Variants in TASOR observed in about 807,000 individuals in gnomAD.
The protein encoded by TASOR is transcription activation suppressor.
A neutral mutation model predicts 178.6 loss-of-function variants in TASOR; 53 were observed. The ratio of observed to expected loss-of-function variants is 0.30; its 90% CI spans 0.24 to 0.37. The LOEUF (loss-of-function observed/expected upper bound fraction) is 0.37, where lower values mean the gene tolerates loss of function less well. Ranked by LOEUF, TASOR falls within the 10% of genes least tolerant of loss-of-function variation. The pLI, the probability that TASOR is intolerant of heterozygous loss-of-function variation, is 1.00. For synonymous variants in TASOR, 713 were observed against 696.2 expected (o/e 1.02, Z -0.38); for missense variants, 1,815 against 1,971.4 (o/e 0.92, Z 1.50).
chr3:56,665,170 G>GA (rs575160627), intron 7 of TASOR, among the ~76,000 whole-genome samples: 2,310 of 149,952 alleles, frequency 0.015, 38 homozygotes, highest in South Asian at 0.074. Flanking sequence ...CTCTAAAGAG[G>GA]AAAAAAAAAG....
Position 56,673,750 on chromosome 3 carries a change from A to C in TASOR, c.332-25T>G, listed in dbSNP as rs760489504. 8 of 1,531,406 alleles carry C rather than the reference A, an allele frequency of 5.2e-6. No individual in the cohort carries two copies. The African/African-American group carries it at 9.8e-5, about 19-fold the overall frequency. The allele number at this position is 1,531,406 out of a possible 1,614,324, so 94.9% of individuals were successfully genotyped here. ...GCTAAAATAAAAAAACAAACATTTA[A>C]AATGTTTAACATTACTCCATCTTAA... On this transcript the variant is annotated intron_variant, in intron 1 of 23. Coordinates refer to ENST00000683822, the MANE Select transcript of TASOR (RefSeq NM_001365635.2).
chr3:56,641,621 G>A lies in TASOR; in HGVS notation c.2347C>T (p.Arg783Cys), dbSNP rs370672814. Residue 783 changes from arginine to cysteine, a missense_variant, in exon 15 of 24, where the codon CGC (arginine) becomes TGC (cysteine). By Grantham distance (180) the Arg-to-Cys change is radical. Around this residue, in one of 5 missense-constraint regions of TASOR, gnomAD observed 655 missense variants for 671.1 expected, o/e 0.98. Transcript: ENST00000683822. ...NWLSETLANA[R>C]HSDASLTDTV... ...TCTGTCAGAGATGCATCAGAATGGC[G>A]CGCATTTGCTAGTGTTTCTGATAAC... 57 of 1,614,020 alleles carry A rather than the reference G, an allele frequency of 3.5e-5. No individual in the cohort carries two copies. The highest frequency in any genetic ancestry group is 2.0e-4 in the African/African-American group (15 of 74,896).
At chr3:56,630,510 A>G (rs2107537634) in intron 18 of TASOR, among the ~76,000 whole-genome samples, 2 of 152,322 alleles carry the variant, frequency 1.3e-5, no homozygotes, top group Middle Eastern at 6.8e-3. Flanking sequence ...GATAAATTAA[A>G]AGCACAATTA....
rs2031292799 is a variant in TASOR at position 56,676,329 on chromosome 3, TCAA to T, written c.332-2607_332-2605del. ...ATTTAAAATTGACTCTTTCACAAAT[TCAA>T]CAATTCAGTAATATACGAAACACAA... On this transcript the variant is annotated intron_variant, in intron 1 of 23. Coordinates refer to ENST00000683822, the MANE Select transcript of TASOR (RefSeq NM_001365635.2). 2.6e-5 allele frequency among the ~76,000 whole-genome samples: 4 copies of T among 152,264 alleles called. No individual in the cohort carries two copies. In the South Asian group the frequency reaches 8.3e-4, roughly 32 times the overall value.
intron 11 of TASOR, among the ~76,000 whole-genome samples, chr3:56,658,048 G>A (rs1310398783): frequency 6.7e-6 from 1 of 150,102 alleles, no homozygotes; most frequent in Non-Finnish European, 1.5e-5. Context: ...AGAAAACCTT[G>A]TGTGCATTTC....
intron 11 of TASOR, among the ~76,000 whole-genome samples, chr3:56,650,482 G>C (rs760069724): frequency 1.3e-5 from 2 of 152,168 alleles, no homozygotes; most frequent in African/African-American, 4.8e-5. Flanking sequence ...GTATGGGACA[G>C]ATAAAGTCAT....
intron 1 of TASOR, among the ~76,000 whole-genome samples, chr3:56,674,279 CTGCT>C: frequency 6.9e-6 from 1 of 145,782 alleles, no homozygotes; most frequent in Non-Finnish European, 1.5e-5. Flanking sequence ...GGCAGCAAGA[CTGCT>C]TGAGCTCAGG....
At position 56,633,762 on chromosome 3, in the gene TASOR, G is replaced by C; in HGVS notation, c.3029C>G (p.Pro1010Arg). The change falls in exon 18 of 24, where the codon CCG becomes CGG. Residue 1010 changes from proline (P) to arginine (R), a missense_variant. Transcript: ENST00000683822. ...EQCVPAAEAE[P>R]PAVSETTERT... ...CTCTGTGGTTTCGCTCACTGCAGGC[G>C]GCTCTGCCTCTGCTGCTGGCACACA... 2 of 1,613,978 alleles carry C rather than the reference G, an allele frequency of 1.2e-6. No individual in the cohort carries two copies. Among genetic ancestry groups the C allele is most frequent in the Non-Finnish European group, 1.7e-6 (2 of 1,180,016 alleles).
At position 56,624,426 on chromosome 3, in the gene TASOR, C is replaced by G; in HGVS notation, c.4483+53G>C. ...TTTCATTATTTGGTAACAGCAAAAC[C>G]ATTCCTCTTTTTCTGTCTGCGTTAA... On this transcript the variant is annotated intron_variant, in intron 23 of 23. Transcript: ENST00000683822. 6 of 1,573,490 alleles carry G rather than the reference C, an allele frequency of 3.8e-6. No individual in the cohort carries two copies. The South Asian group carries it at 5.7e-5, about 15-fold the overall frequency.
rs759620078 is a variant in TASOR at position 56,623,382 on chromosome 3, T to C, written c.4668A>G (p.Gln1556=). The C allele has an allele frequency of 3.1e-6, 5 of 1,613,624 alleles. No individual in the cohort carries two copies. The highest frequency in any genetic ancestry group is 1.3e-5 in the African/African-American group (1 of 74,908). Residue 1556 remains glutamine, a synonymous_variant, in exon 24 of 24, where the codon CAA becomes CAG. Transcript: ENST00000683822. ...QIELQSSPDV[Q]NSLLEDKTYL... ...AAGTCTTATCTTCTAATAAACTGTT[T>C]TGCACATCAGGAGACGATTGCAACT... is the stretch of plus-strand genomic sequence containing the variant.
chr3:56,638,609 A>C (rs1361489964), intron 17 of TASOR, 97 bp downstream of exon 17: 1 of 1,262,132 alleles, frequency 7.9e-7, no homozygotes, highest in Non-Finnish European at 1.1e-6. Flanking sequence ...TAATTAAAAA[A>C]ATTTAAGTCA....
At chr3:56,634,005 AAAGAT>A (rs1335697901) in intron 17 of TASOR, 39 bp from the exon 18 acceptor site, 7 of 1,449,576 alleles carry the variant, frequency 4.8e-6, no homozygotes, top group African/African-American at 1.4e-5. Context: ...AGCAATCCAA[AAAGAT>A]AAGATATGAA....
At chr3:56,673,906 T>G (rs1454510356) in intron 1 of TASOR, among the ~76,000 whole-genome samples, 181 bp from the exon 2 acceptor site, 1 of 152,126 alleles carries the variant, frequency 6.6e-6, no homozygotes, top group East Asian at 1.9e-4. Context: ...TAAAACTAGT[T>G]GCCTACATAC....
intron 23 of TASOR, chr3:56,623,798 G>A (rs1271710838): frequency 6.4e-7 from 1 of 1,551,262 alleles, no homozygotes; most frequent in Non-Finnish European, 8.7e-7. Flanking sequence ...TTAATGTTGG[G>A]AAATCCCAAC....
At chr3:56,631,729 G>A (rs916201288) in intron 18 of TASOR, among the ~76,000 whole-genome samples, 3 of 151,818 alleles carry the variant, frequency 2.0e-5, no homozygotes, top group Non-Finnish European at 4.4e-5. Flanking sequence ...GACTACAGGC[G>A]CCTGCCCCCA....
In TASOR at chr3:56,639,972, T is replaced by G. The variant is rs749893460; in HGVS notation, c.2764+14A>C. 6.3e-7 allele frequency: 1 copy of G among 1,594,282 alleles called. No individual in the cohort carries two copies. The highest frequency in any genetic ancestry group is 8.5e-7 in the Non-Finnish European group (1 of 1,171,712). On this transcript the variant is annotated intron_variant, in intron 16 of 23. Coordinates refer to ENST00000683822, the MANE Select transcript of TASOR (RefSeq NM_001365635.2). ...AAAATGAAGCAAACACAAGTCCAAG[T>G]ATACTTTTCTTACCTGTAATTGGAA...
At chr3:56,669,603 G>A in intron 5 of TASOR, 97 bp downstream of exon 5, 14 of 714,728 alleles carry the variant, frequency 2.0e-5, no homozygotes, top group Non-Finnish European at 3.2e-5. Context: ...TAACAAGCAT[G>A]AACTTTTAAA....
intron 13 of TASOR, among the ~76,000 whole-genome samples, chr3:56,647,978 C>T (rs1031981299): frequency 4.6e-5 from 7 of 151,996 alleles, no homozygotes; most frequent in Non-Finnish European, 8.8e-5. Flanking sequence ...GTAGTTGGAT[C>T]GCTTCAGGCC....
chr3:56,670,138 G>T lies in TASOR; in HGVS notation c.578C>A (p.Thr193Asn), dbSNP rs1313198379. 3.3e-6 allele frequency: 5 copies of T among 1,520,874 alleles called. No homozygotes were observed. Among genetic ancestry groups the T allele is most frequent in the Non-Finnish European group, 8.8e-7 (1 of 1,132,782 alleles). 94.2% of individuals were successfully genotyped at this position (1,520,874 alleles called of 1,614,324 possible). ...CACATGTAATCCTTTTTCACATATG[G>T]TTTGAACCTAAATTTAAAAAAAAAT... is the stretch of plus-strand genomic sequence containing the variant. Reference protein sequence around the residue: ...FLMVDRYQVQTICEKGLHVGQ... With the variant: ...FLMVDRYQVQNICEKGLHVGQ... The change falls in exon 4 of 24, where the codon ACC (threonine) becomes AAC (asparagine). Residue 193 changes from threonine to asparagine, a missense_variant. Physicochemically the swap from Thr to Asn is moderately conservative, Grantham distance 65. Coordinates refer to ENST00000683822, the MANE Select transcript of TASOR (RefSeq NM_001365635.2).
Sources: gnomAD v4.1 joint callset for allele counts (sites outside exome capture counted in the v4.1 genomes callset) on GRCh38, gnomAD v4.1.1 for gene constraint, gnomAD v4.1.1 regional missense constraint, MANE v1.5 for transcripts, NCBI Gene and HGNC (gene_info 2026-07-23, HGNC 2026-07-21) for gene names.